The following ZZEF1 variants were observed in gnomAD, a reference collection of about 807,000 sequenced individuals.
ZZEF1 encodes the protein zinc finger ZZ-type and EF-hand domain-containing protein 1.
A neutral mutation model predicts 342.8 loss-of-function variants in ZZEF1; 157 were observed. That is an observed-to-expected ratio of 0.46 (90% confidence interval 0.40 to 0.52). The LOEUF is 0.52. Among genes scored for constraint, ZZEF1 ranks in the 20% least tolerant of loss-of-function variants. ZZEF1 has a pLI of 0.00. For synonymous variants in ZZEF1, 1,505 were observed against 1,429.1 expected (o/e 1.05, Z -1.20); for missense variants, 3,480 against 3,725.6 (o/e 0.93, Z 1.72).
Position 4,075,340 on chromosome 17 carries a change from A to G in ZZEF1, c.3324T>C (p.His1108=), listed in dbSNP as rs1425339554. The change falls in exon 22 of 55, where the codon CAT becomes CAC. Residue 1108 remains histidine (H), a synonymous_variant. Transcript: ENST00000381638. The stretch of plus-strand genomic sequence containing the variant: ...CTGGGCTAACAAAGACGGATACCTC[A>G]TGGCAATTATTTTCATAGTTGTGGG... ...ESAHNYENNC[H]EVSVFVSPGA... 1 of 1,613,520 alleles carries G rather than the reference A, an allele frequency of 6.2e-7. No individual in the cohort carries two copies. The highest frequency in any genetic ancestry group is 8.5e-7 in the Non-Finnish European group (1 of 1,179,526).
At chr17:4,071,903 G>A (rs2057517208) in intron 25 of ZZEF1, among the ~76,000 whole-genome samples, 1 of 152,132 alleles carries the variant, frequency 6.6e-6, no homozygotes, top group East Asian at 1.9e-4. Flanking sequence ...ATGAAGTCTT[G>A]GTGGGCTGTG....
Position 4,099,922 on chromosome 17 carries a change from GAA to G in ZZEF1, c.1672+2393_1672+2394del, listed in dbSNP as rs34098629. On this transcript the variant is annotated intron_variant, in intron 9 of 54. Transcript: ENST00000381638. ...CAATTTATTCTTTTTAGATAACAGGGAAAAAAAAAATAACCAATCAGATTTAA... is the reference window on the plus strand; with the variant it reads ...CAATTTATTCTTTTTAGATAACAGGGAAAAAAAATAACCAATCAGATTTAA... 3.2e-4 allele frequency among the ~76,000 whole-genome samples: 49 copies of G among 151,578 alleles called. 1 individual carries two copies. The East Asian group carries it at 4.5e-3, about 14-fold the overall frequency.
Position 4,052,072 on chromosome 17 carries a change from G to A in ZZEF1, c.5499C>T (p.Asp1833=). ...HEMVNMEFTC[D]HCQGLIIGRR... ...GGCCTATGATCAAACCCTGGCAGTGGTCACAGGTAAACTCCATGTTGACCA... is the reference window on the plus strand; with the variant it reads ...GGCCTATGATCAAACCCTGGCAGTGATCACAGGTAAACTCCATGTTGACCA... The change falls in exon 35 of 55, where the codon GAC becomes GAT. Residue 1833 remains aspartate (D), a synonymous_variant. Transcript: ENST00000381638. 1.2e-6 allele frequency: 2 copies of A among 1,614,108 alleles called. No homozygotes were observed. Among genetic ancestry groups the A allele is most frequent in the Non-Finnish European group, 1.7e-6 (2 of 1,180,026 alleles).
chr17:4,052,081 A>G lies in ZZEF1; in HGVS notation c.5490T>C (p.Phe1830=), dbSNP rs1407861641. 2 of 1,614,050 alleles carry G rather than the reference A, an allele frequency of 1.2e-6. No homozygotes were observed. The highest frequency in any genetic ancestry group is 2.7e-5 in the African/African-American group (2 of 74,922). Reference sequence around the variant, plus strand: ...TCAAACCCTGGCAGTGGTCACAGGTAAACTCCATGTTGACCATTTCATGGT... The same window carrying G: ...TCAAACCCTGGCAGTGGTCACAGGTGAACTCCATGTTGACCATTTCATGGT... ...GDDHEMVNME[F]TCDHCQGLII... Residue 1830 remains phenylalanine (F), a synonymous_variant, in exon 35 of 55, where the codon TTT becomes TTC. Coordinates refer to ENST00000381638, the MANE Select transcript of ZZEF1 (RefSeq NM_015113.4).
rs747821726 is a variant in ZZEF1, at chr17:4,008,425, C to T, written c.8805+458G>A. On this transcript the variant is annotated intron_variant, in intron 54 of 54. Coordinates refer to ENST00000381638, the MANE Select transcript of ZZEF1 (RefSeq NM_015113.4). This position sits in a 1 kb window ranked among gnomAD's most constrained non-coding sequence, Gnocchi z 4.2. ...TGCTTAATTTTTAAATTGAAAATCT[C>T]GTTTCTAATGGCACATATGGATATA... The T allele has an allele frequency of 2.6e-5, 16 of 625,088 alleles. No individual in the cohort carries two copies. The highest frequency in any genetic ancestry group is 4.0e-5 in the African/African-American group (2 of 49,940). The allele number at this position is 625,088 out of a possible 1,614,324, so 38.7% of individuals were successfully genotyped here. A position where few individuals can be genotyped will look rare whatever the true frequency, so the allele number is the denominator to read the frequency against.
At chr17:4,112,143 TTTCC>T (rs1040944941) in intron 5 of ZZEF1, among the ~76,000 whole-genome samples, 3 of 134,264 alleles carry the variant, frequency 2.2e-5, no homozygotes, top group Non-Finnish European at 4.8e-5. Context: ...TCTTCTATAA[TTTCC>T]TTCTTTTTTT....
intron 38 of ZZEF1, 75 bp downstream of exon 38, chr17:4,044,149 C>G (rs899402635): frequency 1.3e-6 from 2 of 1,526,802 alleles, no homozygotes; most frequent in Non-Finnish European, 1.8e-6. Context: ...AGCTGTGTGC[C>G]ACAAACAGCT....
Position 4,017,351 on chromosome 17 carries a change from A to G in ZZEF1, c.8001+20T>C, listed in dbSNP as rs761106764. The G allele has an allele frequency of 4.9e-5, 77 of 1,565,050 alleles. No homozygotes were observed. The highest frequency in any genetic ancestry group is 6.2e-5 in the Non-Finnish European group (72 of 1,153,560). On this transcript the variant is annotated intron_variant, in intron 48 of 54. Transcript: ENST00000381638. This position sits in a 1 kb window ranked among gnomAD's most constrained non-coding sequence, Gnocchi z 5.1. ...AGGAAGAACCTGGTGGGTGAGCACA[A>G]GCTCAGTCTGCATAACTACCTTCTC... is the stretch of plus-strand genomic sequence containing the variant.
chr17:4,054,327 A>G, intron 33 of ZZEF1, 132 bp from the exon 34 acceptor site: 1 of 984,524 alleles, frequency 1.0e-6, no homozygotes, highest in East Asian at 2.7e-5. Flanking sequence ...TTGATAATGA[A>G]TAAGCTCCTC....
At position 4,006,565 on chromosome 17, in the gene ZZEF1, G is replaced by A. The variant is rs951660048; in HGVS notation, c.*325C>T. On this transcript the variant is annotated 3_prime_UTR_variant, in exon 55 of 55. Transcript: ENST00000381638. Reference sequence around the variant, plus strand: ...AGACAGAAACCAGTTGAGAGAGGCCGCTTCCAAGTCTTCCCAGGCCCACGG... The same window carrying A: ...AGACAGAAACCAGTTGAGAGAGGCCACTTCCAAGTCTTCCCAGGCCCACGG... The A allele has an allele frequency of 8.2e-6, 3 of 364,636 alleles. No individual in the cohort carries two copies. Among genetic ancestry groups the A allele is most frequent in the Non-Finnish European group, 1.5e-5 (3 of 194,606 alleles). The allele number at this position is 364,636 out of a possible 1,614,324, so 22.6% of individuals were successfully genotyped here.
intron 38 of ZZEF1, among the ~76,000 whole-genome samples, chr17:4,043,286 G>A (rs2056841853): frequency 1.3e-5 from 2 of 152,218 alleles, no homozygotes. Context: ...AATACTTGAT[G>A]AATGAATAAA....
At chr17:4,086,168 T>A (rs1247797950) in intron 15 of ZZEF1, among the ~76,000 whole-genome samples, 1 of 152,176 alleles carries the variant, frequency 6.6e-6, no homozygotes, top group Non-Finnish European at 1.5e-5. Flanking sequence ...ACTCTCAACA[T>A]AACACAGCTA....
intron 11 of ZZEF1, among the ~76,000 whole-genome samples, chr17:4,093,371 T>C (rs1025023957): frequency 2.0e-5 from 3 of 152,220 alleles, no homozygotes; most frequent in Non-Finnish European, 4.4e-5. Flanking sequence ...CGAAGACCAC[T>C]GAAGAGACAT....
chr17:4,056,233 G>C lies in ZZEF1; in HGVS notation c.5278C>G (p.Pro1760Ala). ...AWYEKIAQED[P>A]EKQRKMHMFI... ...GGTCTTACTTTCCTCTGCTTCTCTG[G>C]ATCTTCCTGGGCTATTTTTTCATAC... is the stretch of plus-strand genomic sequence containing the variant. The change falls in exon 33 of 55, where the codon CCA (proline) becomes GCA (alanine). Residue 1760 changes from proline to alanine, a missense_variant. By Grantham distance (27) the Pro-to-Ala change is conservative. Coordinates refer to ENST00000381638, the MANE Select transcript of ZZEF1 (RefSeq NM_015113.4). 5.0e-6 allele frequency: 8 copies of C among 1,587,720 alleles called. No individual in the cohort carries two copies. The highest frequency in any genetic ancestry group is 6.9e-6 in the Non-Finnish European group (8 of 1,166,744).
intron 1 of ZZEF1, among the ~76,000 whole-genome samples, chr17:4,130,098 T>C (rs762837315): frequency 6.6e-6 from 1 of 152,150 alleles, no homozygotes; most frequent in African/African-American, 2.4e-5. Context: ...CCAACCCCCA[T>C]GAGATGAGTT....
intron 9 of ZZEF1, among the ~76,000 whole-genome samples, chr17:4,101,078 G>A (rs893139952): frequency 6.6e-6 from 1 of 152,148 alleles, no homozygotes; most frequent in African/African-American, 2.4e-5. Context: ...GGAGATGGAT[G>A]TGGTAAAGAA....
chr17:4,119,935 C>A (rs1397543471), intron 2 of ZZEF1, among the ~76,000 whole-genome samples: 1 of 152,164 alleles, frequency 6.6e-6, no homozygotes, highest in Non-Finnish European at 1.5e-5. Flanking sequence ...CTTAACAGTT[C>A]ACACCAAGGA....
At chr17:4,094,188 C>T (rs1274795571) in intron 11 of ZZEF1, among the ~76,000 whole-genome samples, 2 of 152,208 alleles carry the variant, frequency 1.3e-5, no homozygotes, top group African/African-American at 4.8e-5. Context: ...GTCACCCAGG[C>T]AGGAGTGCAG....
chr17:4,096,651 G>C lies in ZZEF1; in HGVS notation c.1722C>G (p.Thr574=). The C allele has an allele frequency of 1.9e-6, 3 of 1,613,990 alleles. No individual in the cohort carries two copies. The highest frequency in any genetic ancestry group is 2.5e-6 in the Non-Finnish European group (3 of 1,179,956). The change falls in exon 10 of 55, where the codon ACC becomes ACG. Residue 574 remains threonine (T), a synonymous_variant. Transcript: ENST00000381638. ...TAACTTGGAAGGCAGATTCAGTTCC[G>C]GTAGAAAAAATAGTGCTGGCTCTGG... ...GKTRASTIFS[T]GTESAFQVTQ... is the part of the protein sequence containing the mutation.
Sources: allele counts gnomAD v4.1 joint callset (sites outside exome capture counted in the v4.1 genomes callset), GRCh38; gene constraint gnomAD v4.1.1; non-coding constraint Gnocchi (gnomAD v3.1); transcripts MANE v1.5; gene names NCBI Gene and HGNC (gene_info 2026-07-23, HGNC 2026-07-21).